The following MYH10 variants were observed in gnomAD, a reference collection of about 807,000 sequenced individuals.
MYH10 encodes the protein myosin heavy chain 10, also known as myosin-10.
MYH10 carries 55 observed loss-of-function variants against 257.8 expected under a neutral mutation model. The observed-to-expected ratio is 0.21, with a 90% CI of 0.17 to 0.27. The LOEUF (loss-of-function observed/expected upper bound fraction) is 0.27. Among genes scored for constraint, MYH10 ranks in the 10% least tolerant of loss-of-function variants. MYH10 has a pLI of 1.00. For synonymous variants in MYH10, 854 were observed against 921.7 expected (o/e 0.93, Z 1.33); for missense variants, 1,631 against 2,500.6 (o/e 0.65, Z 7.42).
Position 8,500,869 on chromosome 17 carries a change from G to A in MYH10, c.3701C>T (p.Thr1234Ile). Reference protein sequence around the residue: ...QIQDMRQRHATALEELSEQLE... With the variant: ...QIQDMRQRHAIALEELSEQLE... ...CTGCTCTGAGAGCTCCTCCAGGGCT[G>A]TTGCGTGTCTTTGTCTCATGTCCTG... Residue 1234 changes from threonine (T) to isoleucine (I), a missense_variant, in exon 29 of 43, where the codon ACA becomes ATA. Physicochemically the swap from Thr to Ile is moderately conservative, Grantham distance 89. Coordinates refer to ENST00000360416, the MANE Select transcript of MYH10 (RefSeq NM_001256012.3). 1 of 1,614,012 alleles carries A rather than the reference G, an allele frequency of 6.2e-7. No individual in the cohort carries two copies. Among genetic ancestry groups the A allele is most frequent in the East Asian group, 2.2e-5 (1 of 44,880 alleles).
Position 8,535,812 on chromosome 17 carries a change from T to C in MYH10, c.1725A>G (p.Lys575=). Residue 575 remains lysine (K), a synonymous_variant, in exon 15 of 43, where the codon AAA becomes AAG. Coordinates refer to ENST00000360416, the MANE Select transcript of MYH10 (RefSeq NM_001256012.3). This position sits in a 1 kb window ranked among gnomAD's most constrained non-coding sequence, Gnocchi z 4.3. ...CAGCTTTGTCTTTTAATTGTCGAGG[T>C]TTCTGAAACTTGGAGTGGGAACCTT... ...QEQGSHSKFQ[K]PRQLKDKADF... 2 of 1,614,178 alleles carry C rather than the reference T, an allele frequency of 1.2e-6. No individual in the cohort carries two copies. Among genetic ancestry groups the C allele is most frequent in the South Asian group, 2.2e-5 (2 of 91,084 alleles).
chr17:8,551,823 TA>T (rs1425854495), intron 9 of MYH10, among the ~76,000 whole-genome samples: 1 of 152,048 alleles, frequency 6.6e-6, no homozygotes, highest in African/African-American at 2.4e-5. Context: ...AAAAAAGAAA[TA>T]AAAGTACAAA....
intron 36 of MYH10, among the ~76,000 whole-genome samples, chr17:8,485,254 AAT>A (rs1351045394): frequency 1.3e-5 from 2 of 152,298 alleles, no homozygotes; most frequent in African/African-American, 4.8e-5. Context: ...CCATCAAAAG[AAT>A]ATAAACTTAG....
chr17:8,509,895 C>G lies in MYH10; in HGVS notation c.3007G>C (p.Glu1003Gln). The change falls in exon 25 of 43, where the codon GAA becomes CAA. Residue 1003 changes from glutamate (E) to glutamine (Q), a missense_variant. Glu to Gln is a conservative substitution (Grantham distance 29, BLOSUM62 2). This residue lies in a region of MYH10 where 169 missense variants were observed against 249.8 expected (regional missense o/e 0.68). Coordinates refer to ENST00000360416, the MANE Select transcript of MYH10 (RefSeq NM_001256012.3). ...ATCTTGGCCTCTGCTGTCACCTTTTCCAGCTGCAGCTTTTGCCGAGCCCCT... is the reference window on the plus strand; with the variant it reads ...ATCTTGGCCTCTGCTGTCACCTTTTGCAGCTGCAGCTTTTGCCGAGCCCCT... ...EEGARQKLQL[E>Q]KVTAEAKIKK... 1 of 1,613,190 alleles carries G rather than the reference C, an allele frequency of 6.2e-7. No homozygotes were observed. Among genetic ancestry groups the G allele is most frequent in the East Asian group, 2.2e-5 (1 of 44,796 alleles).
At chr17:8,528,713 C>A (rs2151918595) in intron 17 of MYH10, among the ~76,000 whole-genome samples, 1 of 152,322 alleles carries the variant, frequency 6.6e-6, no homozygotes, top group Non-Finnish European at 1.5e-5. Flanking sequence ...ACTCCTTCAT[C>A]CATTGTCTTC....
chr17:8,553,224 C>A (rs2082696023), intron 8 of MYH10, among the ~76,000 whole-genome samples: 2 of 152,116 alleles, frequency 1.3e-5, no homozygotes, highest in Non-Finnish European at 2.9e-5. Flanking sequence ...CAAGTATTTC[C>A]AGATTTTGCT....
At chr17:8,597,305 CAAGA>C (rs751350436) in intron 3 of MYH10, among the ~76,000 whole-genome samples, 167 of 144,666 alleles carry the variant, frequency 1.2e-3, no homozygotes, top group Admixed American at 3.8e-3. Flanking sequence ...GATAGAAAGA[CAAGA>C]AAGAAAGAAA....
At chr17:8,496,075 A>G (rs1335854429) in intron 30 of MYH10, among the ~76,000 whole-genome samples, 1 of 152,186 alleles carries the variant, frequency 6.6e-6, no homozygotes, top group Non-Finnish European at 1.5e-5. Flanking sequence ...GCTATTTCTT[A>G]TGGTCAGATT....
At chr17:8,489,408 G>A (rs938697761) in intron 35 of MYH10, among the ~76,000 whole-genome samples, 1 of 152,164 alleles carries the variant, frequency 6.6e-6, no homozygotes, top group African/African-American at 2.4e-5. Flanking sequence ...GCAAAATTCA[G>A]TAATTCCAAA....
intron 36 of MYH10, among the ~76,000 whole-genome samples, chr17:8,487,212 G>A (rs1914974285): frequency 6.6e-6 from 1 of 152,218 alleles, no homozygotes; most frequent in Non-Finnish European, 1.5e-5. Context: ...AGGGCCACAG[G>A]AGGCCAGCAT....
At chr17:8,576,291 T>G (rs1444337360) in intron 6 of MYH10, among the ~76,000 whole-genome samples, 9 of 152,120 alleles carry the variant, frequency 5.9e-5, no homozygotes, top group African/African-American at 2.2e-4. Flanking sequence ...AAATTCAAAA[T>G]GTAGTGTAGG....
In MYH10 at chr17:8,535,491, T is replaced by C. The variant is rs768993165; in HGVS notation, c.1790A>G (p.Lys597Arg). ...IIHYAGKVDY[K>R]ADEWLMKNMD... The stretch of plus-strand genomic sequence containing the variant: ...ATTCTTCATCAGCCACTCATCTGCC[T>C]TATAGTCCACCTATCCCGCACCAAA... Residue 597 changes from lysine (K) to arginine (R), a missense_variant, in exon 16 of 43, where the codon AAG becomes AGG. This residue lies in a region of MYH10 where 63 missense variants were observed against 167.9 expected (regional missense o/e 0.38). Coordinates refer to ENST00000360416, the MANE Select transcript of MYH10 (RefSeq NM_001256012.3). The surrounding 1 kb of genome is among the most constrained non-coding windows in gnomAD (Gnocchi z 4.3). The C allele has an allele frequency of 2.5e-6, 4 of 1,613,012 alleles. No individual in the cohort carries two copies. Among genetic ancestry groups the C allele is most frequent in the Non-Finnish European group, 3.4e-6 (4 of 1,179,410 alleles).
chr17:8,519,544 C>A (rs2081580875), intron 19 of MYH10, among the ~76,000 whole-genome samples: 1 of 151,760 alleles, frequency 6.6e-6, no homozygotes, highest in Non-Finnish European at 1.5e-5. Context: ...AAGGAGGAAT[C>A]CTGGCTACAT....
At chr17:8,560,238 T>C (rs1325871583) in intron 7 of MYH10, among the ~76,000 whole-genome samples, 1 of 152,236 alleles carries the variant, frequency 6.6e-6, no homozygotes, top group Non-Finnish European at 1.5e-5. Flanking sequence ...AAGTTTGAAA[T>C]TCATCAAACA....
At chr17:8,539,647 T>A (rs942774482) in intron 14 of MYH10, among the ~76,000 whole-genome samples, 2 of 152,100 alleles carry the variant, frequency 1.3e-5, no homozygotes, top group African/African-American at 4.8e-5. Context: ...TGGAAGGCAG[T>A]GGTGTGACCG....
chr17:8,476,798 C>A (rs1912716194), intron 42 of MYH10, 78 bp downstream of exon 42: 1 of 1,477,638 alleles, frequency 6.8e-7, no homozygotes, highest in Non-Finnish European at 9.1e-7. Flanking sequence ...AGTAAACTTC[C>A]TCTGACCAGC....
intron 3 of MYH10, among the ~76,000 whole-genome samples, chr17:8,600,880 G>C (rs2084565632): frequency 6.6e-6 from 1 of 152,204 alleles, no homozygotes; most frequent in Non-Finnish European, 1.5e-5. Flanking sequence ...GGAAAGCCAA[G>C]TCTCGGTTAA....
chr17:8,624,261 C>T (rs1343692525), intron 1 of MYH10, among the ~76,000 whole-genome samples: 1 of 152,046 alleles, frequency 6.6e-6, no homozygotes, highest in African/African-American at 2.4e-5. Flanking sequence ...AAGCTATGTC[C>T]CCTCCTCTAC....
chr17:8,600,241 G>C (rs1279069067), intron 3 of MYH10, among the ~76,000 whole-genome samples: 2 of 152,208 alleles, frequency 1.3e-5, no homozygotes, highest in Non-Finnish European at 2.9e-5. Flanking sequence ...CAAGGGAGGG[G>C]TTTAGGAAAT....
Sources: allele counts gnomAD v4.1 joint callset (sites outside exome capture counted in the v4.1 genomes callset), GRCh38; gene constraint gnomAD v4.1.1; regional missense constraint gnomAD v4.1.1; non-coding constraint Gnocchi (gnomAD v3.1); transcripts MANE v1.5; gene names NCBI Gene and HGNC (gene_info 2026-07-23, HGNC 2026-07-21).